CLHC1: variants seen among roughly 807,000 people sequenced by gnomAD.
CLHC1 encodes the protein clathrin heavy chain linker domain-containing protein 1.
In CLHC1, 72 loss-of-function variants were observed where a neutral mutation model predicts 69.5. The ratio of observed to expected loss-of-function variants is 1.04; its 90% CI spans 0.86 to 1.26. The LOEUF (loss-of-function observed/expected upper bound fraction) is 1.26. CLHC1 is among the 50% of genes most tolerant of loss of function. The pLI, the probability that CLHC1 is intolerant of heterozygous loss-of-function variation, is 0.00. For synonymous variants in CLHC1, 223 were observed against 224.3 expected, an observed-to-expected ratio of 0.99 and a Z score of 0.05; for missense variants, 790 against 679.3, an observed-to-expected ratio of 1.16 and a Z score of -1.81.
intron 9 of CLHC1, among the ~76,000 whole-genome samples, chr2:55,194,821 T>C (rs992563590): frequency 2.0e-5 from 3 of 152,228 alleles, no homozygotes; most frequent in Non-Finnish European, 4.4e-5. Context: ...AAACGATTAA[T>C]ATGTCAAGCT....
intron 9 of CLHC1, among the ~76,000 whole-genome samples, chr2:55,195,583 C>G (rs975221539): frequency 2.6e-5 from 4 of 152,160 alleles, no homozygotes; most frequent in African/African-American, 7.2e-5. Context: ...AGGCAGATCA[C>G]TTGAGGTCAG....
intron 4 of CLHC1, among the ~76,000 whole-genome samples, chr2:55,217,474 G>A (rs1673635229): frequency 8.3e-6 from 1 of 120,256 alleles, no homozygotes; most frequent in Non-Finnish European, 1.6e-5. Context: ...AGCGAGCCAA[G>A]ATTGCGCCAT....
intron 3 of CLHC1, among the ~76,000 whole-genome samples, chr2:55,221,334 G>C (rs1674092664): frequency 6.6e-6 from 1 of 152,182 alleles, no homozygotes; most frequent in Non-Finnish European, 1.5e-5. Flanking sequence ...CAATTGTTTA[G>C]AAGGATAATA....
At chr2:55,189,922 T>G (rs1670758939) in intron 9 of CLHC1, among the ~76,000 whole-genome samples, 1 of 152,178 alleles carries the variant, frequency 6.6e-6, no homozygotes, top group South Asian at 2.1e-4. Context: ...CAAACACTGC[T>G]CCAGTCCTGC....
intron 1 of CLHC1, among the ~76,000 whole-genome samples, chr2:55,229,951 T>C (rs1675107453): frequency 6.6e-6 from 1 of 152,210 alleles, no homozygotes; most frequent in Admixed American, 6.5e-5. Context: ...CGCATGCCTG[T>C]AATCCCAGCT....
intron 4 of CLHC1, chr2:55,214,557 C>T (rs1413506563): frequency 6.6e-6 from 1 of 152,210 alleles, no homozygotes; most frequent in Non-Finnish European, 1.5e-5. Context: ...TAACTGCTGG[C>T]TGCTGCTTCT....
chr2:55,216,540 CT>C (rs552641908), intron 4 of CLHC1, among the ~76,000 whole-genome samples: 111 of 148,362 alleles, frequency 7.5e-4, no homozygotes, highest in Non-Finnish European at 1.3e-3. Flanking sequence ...TATTTTATTC[CT>C]TTTTTTTTTC....
At chr2:55,217,093 G>A (rs1673591919) in intron 4 of CLHC1, among the ~76,000 whole-genome samples, 1 of 152,140 alleles carries the variant, frequency 6.6e-6, no homozygotes, top group Non-Finnish European at 1.5e-5. Context: ...TACTTGGGAG[G>A]CTGAGGTGGG....
At chr2:55,198,856 G>T (rs1438373197) in intron 9 of CLHC1, among the ~76,000 whole-genome samples, 1 of 151,980 alleles carries the variant, frequency 6.6e-6, no homozygotes, top group East Asian at 1.9e-4. Context: ...AGAGTGGCAG[G>T]ACATGTTTAA....
At position 55,180,575 on chromosome 2, in the gene CLHC1, A is replaced by C; in HGVS notation, c.1319T>G (p.Leu440Trp). 6.2e-7 allele frequency: 1 copy of C among 1,614,148 alleles called. No homozygotes were observed. Among genetic ancestry groups the C allele is most frequent in the Non-Finnish European group, 8.5e-7 (1 of 1,180,004 alleles). The part of the protein sequence containing the change: ...CGLHKKAILC[L>W]CKQGQTHRVM... The stretch of plus-strand genomic sequence containing the variant: ...CCTATGAGTCTGACCCTGTTTACAC[A>C]AGCAAAGAATAGCTTTCTTGTGCAG... Residue 440 changes from leucine (L) to tryptophan (W), a missense_variant, in exon 11 of 13, where the codon TTG becomes TGG. By Grantham distance (61) the Leu-to-Trp change is moderately conservative. Coordinates refer to ENST00000401408, the MANE Select transcript of CLHC1 (RefSeq NM_152385.4).
rs555517813 is a variant in CLHC1, at chr2:55,189,237, A to G, written c.1007-7493T>C. Among the ~76,000 whole-genome samples the G allele has an allele frequency of 9.2e-5, 14 of 152,300 alleles. No homozygotes were observed. In the East Asian group the frequency reaches 2.7e-3, roughly 29 times the overall value. ...TTAAAAACTACTCAATTAACACAAT[A>G]TAAGATTGAAAAGAAGAAACTAAGG... On this transcript the variant is annotated intron_variant, in intron 9 of 12. Transcript: ENST00000401408.
Position 55,180,660 on chromosome 2 carries a change from C to G in CLHC1, c.1234G>C (p.Asp412His), listed in dbSNP as rs369865963. Reference sequence around the variant, plus strand: ...AGGCACTTGGCCTTGTTATAAGTATCCTGCTCCCCATAATCACAAATCACA... The same window carrying G: ...AGGCACTTGGCCTTGTTATAAGTATGCTGCTCCCCATAATCACAAATCACA... ...GDVICDYGEQ[D>H]TYNKAKCLAL... The change falls in exon 11 of 13, where the codon GAT (aspartate) becomes CAT (histidine). Residue 412 changes from aspartate to histidine, a missense_variant. Asp to His is a moderately conservative substitution (Grantham distance 81, BLOSUM62 -1). Coordinates refer to ENST00000401408, the MANE Select transcript of CLHC1 (RefSeq NM_152385.4). The G allele has an allele frequency of 3.1e-6, 5 of 1,613,916 alleles. No individual in the cohort carries two copies. The African/African-American group carries it at 6.7e-5, about 22-fold the overall frequency.
rs370591587 is a variant in CLHC1, at chr2:55,188,661, T to C, written c.1007-6917A>G. The stretch of plus-strand genomic sequence containing the variant: ...TATATTTTCATAGCAAAATTGTTTA[T>C]AATAGCCCCAAACTAGAAACCACCT... On this transcript the variant is annotated intron_variant, in intron 9 of 12. Coordinates refer to ENST00000401408, the MANE Select transcript of CLHC1 (RefSeq NM_152385.4). 3.9e-5 allele frequency among the ~76,000 whole-genome samples: 6 copies of C among 152,252 alleles called. No homozygotes were observed. In the East Asian group the frequency reaches 7.7e-4, roughly 20 times the overall value.
At chr2:55,197,832 A>G (rs1034752616) in intron 9 of CLHC1, among the ~76,000 whole-genome samples, 1 of 152,200 alleles carries the variant, frequency 6.6e-6, no homozygotes, top group African/African-American at 2.4e-5. Flanking sequence ...CCAGGAAAAC[A>G]TGACCTCACC....
chr2:55,195,952 A>T (rs1330194353), intron 9 of CLHC1, among the ~76,000 whole-genome samples: 1 of 152,226 alleles, frequency 6.6e-6, no homozygotes, highest in African/African-American at 2.4e-5. Flanking sequence ...GTAGAAAGAC[A>T]GTATTGAATT....
chr2:55,184,710 G>A (rs562991715), intron 9 of CLHC1, among the ~76,000 whole-genome samples: 1 of 152,136 alleles, frequency 6.6e-6, no homozygotes, highest in East Asian at 1.9e-4. Context: ...TTCGAGACCA[G>A]TCTAACCAAC....
chr2:55,207,591 T>C (rs977378015), intron 8 of CLHC1, among the ~76,000 whole-genome samples: 3 of 152,220 alleles, frequency 2.0e-5, no homozygotes, highest in African/African-American at 7.2e-5. Context: ...AGACCAGGAA[T>C]ATTACATATG....
In CLHC1 at chr2:55,175,178, C is replaced by A. The variant is rs1034962510; in HGVS notation, c.*612G>T. Reference sequence around the variant, plus strand: ...ACATATTTTCCATACCTATAGGTATCACAGGTCTACTTCTATGCAAAATTC... The same window carrying A: ...ACATATTTTCCATACCTATAGGTATAACAGGTCTACTTCTATGCAAAATTC... On this transcript the variant is annotated 3_prime_UTR_variant, in exon 13 of 13. Coordinates refer to ENST00000401408, the MANE Select transcript of CLHC1 (RefSeq NM_152385.4). The A allele has an allele frequency of 1.3e-5, 2 of 152,160 alleles. No individual in the cohort carries two copies. The highest frequency in any genetic ancestry group is 2.4e-5 in the African/African-American group (1 of 41,444). The allele number at this position is 152,160 out of a possible 1,614,324, so 9.4% of individuals were successfully genotyped here. A position where few individuals can be genotyped will look rare whatever the true frequency, so the allele number is the denominator to read the frequency against.
intron 9 of CLHC1, among the ~76,000 whole-genome samples, chr2:55,201,728 T>A (rs1401707785): frequency 1.3e-5 from 2 of 151,968 alleles, no homozygotes; most frequent in Admixed American, 6.6e-5. Context: ...AAACTACATG[T>A]CAATAATTCT....
Sources: gnomAD v4.1 joint callset for allele counts (sites outside exome capture counted in the v4.1 genomes callset) on GRCh38, gnomAD v4.1.1 for gene constraint, MANE v1.5 for transcripts, NCBI Gene and HGNC (gene_info 2026-07-23, HGNC 2026-07-21) for gene names.